The following UBLCP1 variants were observed in gnomAD, a reference collection of about 807,000 sequenced individuals.
UBLCP1 encodes the protein ubiquitin like domain containing CTD phosphatase 1.
UBLCP1 carries 28 observed loss-of-function variants against 42.4 expected under a neutral mutation model. The observed-to-expected ratio is 0.66, with a 90% CI of 0.49 to 0.90. UBLCP1 has a LOEUF of 0.90. UBLCP1 is among the 40% of genes least tolerant of loss of function. UBLCP1 has a pLI of 0.00. For missense variants in UBLCP1, 279 were observed against 374.5 expected (o/e 0.75, Z 2.10); for synonymous variants, 122 against 120.8 (o/e 1.01, Z -0.07).
intron 9 of UBLCP1, among the ~76,000 whole-genome samples, chr5:159,281,738 A>G (rs531673403): frequency 1.8e-4 from 28 of 152,172 alleles, no homozygotes; most frequent in African/African-American, 6.3e-4. Context: ...CCTTCCCTAC[A>G]CTTAATAGGT....
intron 9 of UBLCP1, among the ~76,000 whole-genome samples, chr5:159,283,010 T>C (rs1753626188): frequency 6.6e-6 from 1 of 152,076 alleles, no homozygotes; most frequent in Admixed American, 6.5e-5. Flanking sequence ...GAAAAGATAA[T>C]GTTAGGTAAA....
intron 5 of UBLCP1, among the ~76,000 whole-genome samples, chr5:159,271,160 A>G (rs546365831): frequency 1.3e-5 from 2 of 152,220 alleles, no homozygotes; most frequent in African/African-American, 4.8e-5. Context: ...CAGATTCTTG[A>G]ATTTAAAATT....
chr5:159,281,156 C>A (rs1438163030), intron 9 of UBLCP1, among the ~76,000 whole-genome samples: 1 of 152,154 alleles, frequency 6.6e-6, no homozygotes, highest in African/African-American at 2.4e-5. Context: ...TGCTTAAGAG[C>A]AAATGTTTGG....
At chr5:159,266,812 G>A (rs533237402) in intron 1 of UBLCP1, among the ~76,000 whole-genome samples, 47 of 152,350 alleles carry the variant, frequency 3.1e-4, no homozygotes, top group African/African-American at 1.1e-3. Flanking sequence ...GAGGGTGGAA[G>A]CCTCAAGCCT....
chr5:159,274,800 C>T (rs1753513250), intron 7 of UBLCP1, among the ~76,000 whole-genome samples, 178 bp downstream of exon 7: 1 of 152,014 alleles, frequency 6.6e-6, no homozygotes, highest in Non-Finnish European at 1.5e-5. Context: ...GTACTGAATC[C>T]CTAAGTCTTT....
chr5:159,275,974 A>G (rs1299990703), intron 8 of UBLCP1, among the ~76,000 whole-genome samples: 2 of 152,246 alleles, frequency 1.3e-5, no homozygotes, highest in Non-Finnish European at 2.9e-5. Flanking sequence ...AAGAATAGCA[A>G]CAAGAACAAT....
At position 159,278,338 on chromosome 5, in the gene UBLCP1, C is replaced by A; in HGVS notation, c.785C>A (p.Pro262Gln). ...ATAGGGAGAAATTTTCTAATGAACC[C>A]ACAGAATGGACTAAAGGTAAGACAT... ...DDIGRNFLMN[P>Q]QNGLKIRPFM... The change falls in exon 9 of 11, where the codon CCA (proline) becomes CAA (glutamine). Residue 262 changes from proline to glutamine, a missense_variant. By Grantham distance (76) the Pro-to-Gln change is moderately conservative. Transcript: ENST00000296786. 6.2e-7 allele frequency: 1 copy of A among 1,609,724 alleles called. No individual in the cohort carries two copies. The highest frequency in any genetic ancestry group is 8.5e-7 in the Non-Finnish European group (1 of 1,176,164).
At chr5:159,283,750 C>T in intron 10 of UBLCP1, among the ~76,000 whole-genome samples, 1 of 152,052 alleles carries the variant, frequency 6.6e-6, no homozygotes, top group East Asian at 1.9e-4. Flanking sequence ...TAAAAATTAC[C>T]AGTAACTTGA....
In UBLCP1 at chr5:159,283,283, C is replaced by T. The variant is rs569124850; in HGVS notation, c.873C>T (p.Leu291=). The T allele has an allele frequency of 1.0e-5, 16 of 1,605,108 alleles. No homozygotes were observed. Among genetic ancestry groups the T allele is most frequent in the South Asian group, 2.3e-5 (2 of 88,438 alleles). The part of the protein sequence containing the change: ...DKELLKLTQY[L]KEIAKLDDFL... The stretch of plus-strand genomic sequence containing the variant: ...AACTTTTAAAATTAACTCAGTACCT[C>T]AAGGAGATAGCAAAATTAGATGACT... Residue 291 remains leucine (L), a synonymous_variant, in exon 10 of 11, where the codon CTC becomes CTT. Coordinates refer to ENST00000296786, the MANE Select transcript of UBLCP1 (RefSeq NM_145049.5).
At position 159,270,446 on chromosome 5, in the gene UBLCP1, G is replaced by GT; in HGVS notation, c.332+2dup. ...ATGAAGTAGTTGAAGTAGAAAATAG[G>GT]TAAGTGCTTTTCGCTTTAGAAGTAA... On this transcript the variant is annotated splice_donor_variant, in intron 4 of 10. Coordinates refer to ENST00000296786, the MANE Select transcript of UBLCP1 (RefSeq NM_145049.5). LOFTEE classifies it high-confidence loss of function. 1 of 1,612,562 alleles carries GT rather than the reference G, an allele frequency of 6.2e-7. No homozygotes were observed. Among genetic ancestry groups the GT allele is most frequent in the Non-Finnish European group, 8.5e-7 (1 of 1,178,926 alleles).
At chr5:159,282,168 T>C (rs1373380575) in intron 9 of UBLCP1, among the ~76,000 whole-genome samples, 2 of 152,204 alleles carry the variant, frequency 1.3e-5, no homozygotes, top group African/African-American at 4.8e-5. Context: ...ATCTTAGTCA[T>C]ATCATATTAT....
chr5:159,268,929 T>C lies in UBLCP1; in HGVS notation c.14T>C (p.Ile5Thr). 6.2e-7 allele frequency: 1 copy of C among 1,609,382 alleles called. No individual in the cohort carries two copies. Among genetic ancestry groups the C allele is most frequent in the Non-Finnish European group, 8.5e-7 (1 of 1,178,622 alleles). MALPIIVKWGGQEYS... is the reference protein window; with the variant it reads MALPTIVKWGGQEYS... ...TATGTTTCAAGAATGGCTCTCCCTA[T>C]CATTGTAAAATGGGGTGGACAGGAG... The change falls in exon 2 of 11, where the codon ATC (isoleucine) becomes ACC (threonine). Residue 5 changes from isoleucine (I) to threonine (T), a missense_variant. By Grantham distance (89) the Ile-to-Thr change is moderately conservative. Transcript: ENST00000296786.
intron 9 of UBLCP1, among the ~76,000 whole-genome samples, chr5:159,280,364 A>G (rs1000335081): frequency 7.2e-5 from 11 of 152,200 alleles, no homozygotes; most frequent in Non-Finnish European, 7.3e-5. Context: ...GTGCAGTGGC[A>G]TGATCAGAGC....
At position 159,278,868 on chromosome 5, in the gene UBLCP1, G is replaced by A. The variant is rs6893879; in HGVS notation, c.801+514G>A. On this transcript the variant is annotated intron_variant, in intron 9 of 10. Transcript: ENST00000296786. ...ATTACAGGCATGAGCCACTGCGCCCGGCCCAAGTGTTTTATTTTTAATTAG... is the reference window on the plus strand; with the variant it reads ...ATTACAGGCATGAGCCACTGCGCCCAGCCCAAGTGTTTTATTTTTAATTAG... 5.5e-3 allele frequency among the ~76,000 whole-genome samples: 829 copies of A among 152,108 alleles called. 9 individuals carry two copies. Among genetic ancestry groups the A allele is most frequent in the African/African-American group, 0.018 (745 of 41,502 alleles).
At chr5:159,269,515 T>G (rs971016880) in intron 2 of UBLCP1, among the ~76,000 whole-genome samples, 1 of 152,204 alleles carries the variant, frequency 6.6e-6, no homozygotes, top group Non-Finnish European at 1.5e-5. Flanking sequence ...TTTTTTATGG[T>G]GTTTTGTGAT....
At chr5:159,277,701 G>T (rs564479984) in intron 8 of UBLCP1, among the ~76,000 whole-genome samples, 8 of 152,282 alleles carry the variant, frequency 5.3e-5, no homozygotes, top group African/African-American at 1.7e-4. Flanking sequence ...TGGTGCTTCC[G>T]AAGTTAAGCA....
intron 8 of UBLCP1, among the ~76,000 whole-genome samples, chr5:159,276,996 A>AT (rs1448220390): frequency 2.6e-5 from 4 of 152,176 alleles, no homozygotes; most frequent in African/African-American, 4.8e-5. Flanking sequence ...TTTGGGGAAC[A>AT]TAGGTGCTTG....
At chr5:159,268,604 G>A (rs1439905387) in intron 1 of UBLCP1, among the ~76,000 whole-genome samples, 1 of 152,164 alleles carries the variant, frequency 6.6e-6, no homozygotes, top group East Asian at 1.9e-4. Flanking sequence ...CAGGAGGAAT[G>A]GTAGCTCATA....
At chr5:159,278,959 T>TTTTTTAGGTA (rs1753572850) in intron 9 of UBLCP1, among the ~76,000 whole-genome samples, 1 of 152,214 alleles carries the variant, frequency 6.6e-6, no homozygotes, top group Non-Finnish European at 1.5e-5. Flanking sequence ...TCATTAGTTA[T>TTTTTTAGGTA]TTTTTTAGGT....
Sources: gnomAD v4.1 joint callset for allele counts (sites outside exome capture counted in the v4.1 genomes callset) on GRCh38, gnomAD v4.1.1 for gene constraint, MANE v1.5 for transcripts, NCBI Gene and HGNC (gene_info 2026-07-23, HGNC 2026-07-21) for gene names.